MAP2: variants seen among roughly 807,000 people sequenced by gnomAD.
MAP2 encodes the protein microtubule associated protein 2.
MAP2 carries 14 observed loss-of-function variants against 137.6 expected under a neutral mutation model. The ratio of observed to expected loss-of-function variants is 0.10; its 90% CI spans 0.07 to 0.16. The LOEUF (loss-of-function observed/expected upper bound fraction) is 0.16. MAP2 is among the 10% of genes least tolerant of loss of function. The pLI, the probability that MAP2 is intolerant of heterozygous loss-of-function variation, is 1.00. For missense variants in MAP2, 2,088 were observed against 2,191.5 expected, an observed-to-expected ratio of 0.95 and a Z score of 0.94; for synonymous variants, 786 against 782.3, an observed-to-expected ratio of 1.00 and a Z score of -0.08.
chr2:209,556,140 A>G (rs1323022845), intron 2 of MAP2, among the ~76,000 whole-genome samples: 1 of 150,396 alleles, frequency 6.6e-6, no homozygotes, highest in Non-Finnish European at 1.5e-5. Flanking sequence ...TCCCGGGCTC[A>G]AGTGATCCTC....
chr2:209,424,613 C>G (rs1692020028), intron 1 of MAP2, among the ~76,000 whole-genome samples: 1 of 152,182 alleles, frequency 6.6e-6, no homozygotes, highest in Non-Finnish European at 1.5e-5. Flanking sequence ...ATTACCTGCG[C>G]TGTGGAAAGA....
rs561087557 is a variant in MAP2, at chr2:209,666,669, TTA to T, written c.263-11902_263-11901del. 1.2e-4 allele frequency among the ~76,000 whole-genome samples: 18 copies of T among 152,174 alleles called. No homozygotes were observed. The South Asian group carries it at 3.7e-3, about 32-fold the overall frequency. Reference sequence around the variant, plus strand: ...TTCCTTTCTAGTTGGATTTCACTCTTTAAGGGTGAACTTAAATTACTCTAGCT... The same window carrying T: ...TTCCTTTCTAGTTGGATTTCACTCTTAGGGTGAACTTAAATTACTCTAGCT... On this transcript the variant is annotated intron_variant, in intron 5 of 15. Coordinates refer to ENST00000682079, the MANE Select transcript of MAP2 (RefSeq NM_001375505.1).
Position 209,705,608 on chromosome 2 carries a change from G to A in MAP2, c.4613G>A (p.Arg1538His), listed in dbSNP as rs200474600. ...SDGVTKSPEK[R>H]SSLPRPSSIL... ...GGAGTAACCAAGAGCCCAGAAAAGC[G>A]CTCTTCTCTCCCAAGACCTTCCTCC... is the stretch of plus-strand genomic sequence containing the variant. Residue 1538 changes from arginine (R) to histidine (H), a missense_variant, in exon 12 of 16, where the codon CGC becomes CAC. By Grantham distance (29) the Arg-to-His change is conservative (BLOSUM62 0). Transcript: ENST00000682079. The A allele has an allele frequency of 7.4e-6, 12 of 1,611,746 alleles. No homozygotes were observed. The highest frequency in any genetic ancestry group is 4.5e-5 in the East Asian group (2 of 44,786).
intron 3 of MAP2, among the ~76,000 whole-genome samples, chr2:209,618,814 A>G (rs576413903): frequency 3.4e-4 from 52 of 151,318 alleles, no homozygotes; most frequent in Middle Eastern, 6.8e-3. Context: ...CCAAATGTCA[A>G]AGAGATATCT....
chr2:209,436,030 A>G (rs1289731244), intron 1 of MAP2, among the ~76,000 whole-genome samples: 1 of 137,330 alleles, frequency 7.3e-6, no homozygotes, highest in African/African-American at 2.6e-5. Flanking sequence ...TATAAAATAT[A>G]TATATATGTA....
intron 2 of MAP2, among the ~76,000 whole-genome samples, chr2:209,557,337 G>A (rs547136968): frequency 6.6e-5 from 10 of 152,270 alleles, no homozygotes; most frequent in East Asian, 1.9e-4. Context: ...TGTTGTTTCC[G>A]TTACCTGTCT....
rs1355559621 is a variant in MAP2 at position 209,453,032 on chromosome 2, T to C, written c.-222+28756T>C. Among the ~76,000 whole-genome samples, 7 of 152,216 alleles carry C rather than the reference T, an allele frequency of 4.6e-5. No homozygotes were observed. The East Asian group carries it at 1.3e-3, about 29-fold the overall frequency. ...TTCTTATATTTCAATCCTGCAATTT[T>C]ATTTCTTTCTGTTTGTGTTTTCTCC... On this transcript the variant is annotated intron_variant, in intron 1 of 15. Transcript: ENST00000682079.
chr2:209,465,055 C>T (rs1703793682), intron 1 of MAP2, among the ~76,000 whole-genome samples: 1 of 151,978 alleles, frequency 6.6e-6, no homozygotes, highest in Admixed American at 6.6e-5. Context: ...TGACCATTCC[C>T]CCAGTGTTGG....
chr2:209,426,197 T>C (rs535525346), intron 1 of MAP2, among the ~76,000 whole-genome samples: 2 of 152,186 alleles, frequency 1.3e-5, no homozygotes, highest in South Asian at 4.1e-4. Context: ...TTTCATATTT[T>C]ACAGTTTGCT....
intron 2 of MAP2, among the ~76,000 whole-genome samples, chr2:209,543,426 A>G (rs1293320608): frequency 6.6e-6 from 1 of 152,228 alleles, no homozygotes; most frequent in Non-Finnish European, 1.5e-5. Context: ...ATGCTGTTGG[A>G]AAAATGGCAC....
At chr2:209,641,997 C>T (rs946651364) in intron 4 of MAP2, among the ~76,000 whole-genome samples, 1 of 152,126 alleles carries the variant, frequency 6.6e-6, no homozygotes, top group Admixed American at 6.6e-5. Flanking sequence ...CTTTGTGAAA[C>T]AGCAAGCAAT....
intron 5 of MAP2, among the ~76,000 whole-genome samples, chr2:209,668,080 C>T (rs1255359866): frequency 6.6e-6 from 1 of 151,976 alleles, no homozygotes; most frequent in Non-Finnish European, 1.5e-5. Flanking sequence ...CTGCTGGGCT[C>T]CTACAATAGG....
chr2:209,645,471 G>A (rs572131118), intron 4 of MAP2, among the ~76,000 whole-genome samples: 3 of 151,986 alleles, frequency 2.0e-5, no homozygotes, highest in African/African-American at 7.2e-5. Flanking sequence ...AAAAAACTAA[G>A]TAATTTATTC....
chr2:209,670,451 T>A (rs2048324772), intron 5 of MAP2, among the ~76,000 whole-genome samples: 1 of 151,996 alleles, frequency 6.6e-6, no homozygotes, highest in African/African-American at 2.4e-5. Context: ...CAGTAGGTAC[T>A]ATCTCTGATC....
At chr2:209,540,938 C>T (rs935866486) in intron 2 of MAP2, among the ~76,000 whole-genome samples, 34 of 151,072 alleles carry the variant, frequency 2.3e-4, no homozygotes, top group Non-Finnish European at 5.0e-4. Flanking sequence ...ACAATAGTTA[C>T]GTTTACACTA....
intron 1 of MAP2, among the ~76,000 whole-genome samples, chr2:209,430,936 A>C (rs1394939262): frequency 7.3e-6 from 1 of 137,066 alleles, no homozygotes; most frequent in Non-Finnish European, 1.6e-5. Context: ...TCTCAGACTA[A>C]AGTTTTGCCT....
intron 2 of MAP2, among the ~76,000 whole-genome samples, chr2:209,550,298 G>A (rs900215744): frequency 3.3e-5 from 5 of 152,030 alleles, no homozygotes; most frequent in African/African-American, 7.2e-5. Context: ...AAATGAATAT[G>A]CAGTGAATCT....
intron 2 of MAP2, among the ~76,000 whole-genome samples, chr2:209,539,298 G>A (rs2066492734): frequency 6.6e-6 from 1 of 152,124 alleles, no homozygotes; most frequent in Non-Finnish European, 1.5e-5. Context: ...TGTAATTGTT[G>A]TGAATGCATT....
At chr2:209,654,544 CTG>C (rs974892987) in intron 5 of MAP2, among the ~76,000 whole-genome samples, 120 of 149,294 alleles carry the variant, frequency 8.0e-4, no homozygotes, top group African/African-American at 1.3e-4. Context: ...GAAATAATAA[CTG>C]TTAATTAATT....
Sources: allele counts gnomAD v4.1 joint callset (sites outside exome capture counted in the v4.1 genomes callset), GRCh38; gene constraint gnomAD v4.1.1; transcripts MANE v1.5; gene names NCBI Gene and HGNC (gene_info 2026-07-23, HGNC 2026-07-21).